The following NFIB variants were observed in gnomAD, a reference collection of about 807,000 sequenced individuals.
NFIB encodes the protein nuclear factor 1 B-type.
NFIB carries 11 observed loss-of-function variants against 61.5 expected under a neutral mutation model. That is an observed-to-expected ratio of 0.18 (90% CI 0.11 to 0.30). NFIB has a LOEUF of 0.30. Among genes scored for constraint, NFIB ranks in the 10% least tolerant of loss-of-function variants. NFIB has a pLI of 1.00. For missense variants in NFIB, 471 were observed against 608.9 expected (o/e 0.77, Z 2.38); for synonymous variants, 260 against 216.5 (o/e 1.20, Z -1.76).
chr9:14,112,899 C>G, intron 10 of NFIB, 100 bp downstream of exon 10: 16 of 1,099,204 alleles, frequency 1.5e-5, no homozygotes, highest in Non-Finnish European at 2.1e-5. Context: ...TCTCAGAAGC[C>G]CCGGGAGCCC....
intron 10 of NFIB, among the ~76,000 whole-genome samples, chr9:14,091,469 A>G (rs962195337): frequency 1.3e-5 from 2 of 152,068 alleles, no homozygotes; most frequent in Non-Finnish European, 2.9e-5. Context: ...ACAAAAACAA[A>G]TTAGTTACAT....
intron 2 of NFIB, among the ~76,000 whole-genome samples, chr9:14,305,099 T>TCATG (rs1588241081): frequency 6.6e-6 from 1 of 152,246 alleles, no homozygotes; most frequent in African/African-American, 2.4e-5. Flanking sequence ...TTTATAGTTA[T>TCATG]CATGACCAGT....
chr9:14,492,294 C>T, the NFIB span, among the ~76,000 whole-genome samples: 3 of 151,652 alleles, frequency 2.0e-5, no homozygotes, highest in Admixed American at 6.6e-5. Context: ...ACCGGGGAGG[C>T]GGAGCTTGCA....
chr9:14,436,643 G>T, the NFIB span, among the ~76,000 whole-genome samples: 2 of 152,120 alleles, frequency 1.3e-5, no homozygotes, highest in Admixed American at 6.5e-5. Context: ...AAAACCCATG[G>T]GACCAAAACA....
chr9:14,398,422 A>G (rs1474496465), intron 1 of NFIB: 2 of 810,480 alleles, frequency 2.5e-6, no homozygotes, highest in Non-Finnish European at 3.8e-6. Context: ...GACCTTCTCT[A>G]GAGCAGCCAT....
intron 3 of NFIB, among the ~76,000 whole-genome samples, chr9:14,174,638 G>A (rs760338542): frequency 3.3e-5 from 5 of 151,822 alleles, no homozygotes; most frequent in African/African-American, 4.8e-5. Flanking sequence ...ACGGTAGCAG[G>A]CGCCTGTAAT....
chr9:14,356,584 A>G (rs964177507), intron 1 of NFIB, among the ~76,000 whole-genome samples: 1 of 152,034 alleles, frequency 6.6e-6, no homozygotes, highest in Non-Finnish European at 1.5e-5. Context: ...CAGTGAGAGC[A>G]GGACTGATTT....
the NFIB span, among the ~76,000 whole-genome samples, chr9:14,451,880 T>A: frequency 9.8e-5 from 15 of 152,318 alleles, no homozygotes; most frequent in Admixed American, 2.0e-4. Context: ...ACCTTATTTT[T>A]TTTTTTGCAA....
intron 2 of NFIB, among the ~76,000 whole-genome samples, chr9:14,240,755 T>C (rs966854045): frequency 6.6e-6 from 1 of 152,118 alleles, no homozygotes; most frequent in African/African-American, 2.4e-5. Context: ...TAAGTCCAAG[T>C]CTCTTTAGCC....
intron 2 of NFIB, among the ~76,000 whole-genome samples, chr9:14,226,118 T>C (rs946687274): frequency 6.6e-6 from 1 of 152,134 alleles, no homozygotes; most frequent in African/African-American, 2.4e-5. Flanking sequence ...ATCTAAATGA[T>C]GACAATTTGG....
intron 1 of NFIB, chr9:14,322,448 C>T (rs987877472): frequency 2.6e-5 from 6 of 231,404 alleles, no homozygotes; most frequent in Non-Finnish European, 4.3e-5. Context: ...GCCCCTTCCC[C>T]GCCCTCGGAT....
Position 14,187,499 on chromosome 9 carries a change from C to T in NFIB, c.563-7719G>A, listed in dbSNP as rs571368711. Among the ~76,000 whole-genome samples, 28 of 152,246 alleles carry T rather than the reference C, an allele frequency of 1.8e-4. No homozygotes were observed. In the East Asian group the frequency reaches 4.8e-3, roughly 26 times the overall value. On this transcript the variant is annotated intron_variant, in intron 2 of 10. Transcript: ENST00000380953. ...AAACGCATAGTTTAAAAAGATGTTGCTACACTTAAGATCTTCATGATAAAG... is the reference window on the plus strand; with the variant it reads ...AAACGCATAGTTTAAAAAGATGTTGTTACACTTAAGATCTTCATGATAAAG...
chr9:14,125,708 A>G lies in NFIB; in HGVS notation c.984T>C (p.Ser328=). 6.2e-7 allele frequency: 1 copy of G among 1,614,178 alleles called. No individual in the cohort carries two copies. Among genetic ancestry groups the G allele is most frequent in the Non-Finnish European group, 8.5e-7 (1 of 1,180,020 alleles). The change falls in exon 7 of 11, where the codon TCT becomes TCC. Residue 328 remains serine (S), a synonymous_variant. Coordinates refer to ENST00000380953, the MANE Select transcript of NFIB (RefSeq NM_001190737.2). ...TCAGTCTTGGGGAAGAATCCTGTGG[A>G]GATGCAGAGCTGAACAATGGCTTTT... ...KPEKPLFSSA[S]PQDSSPRLST...
chr9:14,438,609 AT>A, the NFIB span, among the ~76,000 whole-genome samples: 2 of 151,724 alleles, frequency 1.3e-5, no homozygotes, highest in Admixed American at 6.6e-5. Flanking sequence ...TTTAATTTTA[AT>A]TTTTTTTGCC....
intron 10 of NFIB, among the ~76,000 whole-genome samples, chr9:14,106,302 C>A (rs978637896): frequency 6.6e-6 from 1 of 152,042 alleles, no homozygotes; most frequent in African/African-American, 2.4e-5. Context: ...TCATATAAAT[C>A]ATTTTAATCC....
chr9:14,434,236 G>A, the NFIB span, among the ~76,000 whole-genome samples: 2 of 152,152 alleles, frequency 1.3e-5, no homozygotes, highest in East Asian at 1.9e-4. Flanking sequence ...TGATAGGAGA[G>A]GATTCACTGG....
chr9:14,126,479 G>A (rs770846398), intron 6 of NFIB, among the ~76,000 whole-genome samples: 11 of 152,338 alleles, frequency 7.2e-5, no homozygotes, highest in Admixed American at 2.0e-4. Context: ...GACAGATATC[G>A]TCTCAGTCTC....
At chr9:14,199,241 C>T (rs924372277) in intron 2 of NFIB, among the ~76,000 whole-genome samples, 5 of 152,324 alleles carry the variant, frequency 3.3e-5, no homozygotes, top group South Asian at 4.1e-4. Flanking sequence ...GTTCTGGCAG[C>T]TCCCTGGAAG....
chr9:14,348,772 T>C (rs529831025), intron 1 of NFIB, among the ~76,000 whole-genome samples: 24 of 152,360 alleles, frequency 1.6e-4, no homozygotes, highest in Non-Finnish European at 3.2e-4. Flanking sequence ...GCGCCTCTGC[T>C]CGCTCTTTGA....
Sources: allele counts gnomAD v4.1 joint callset (sites outside exome capture counted in the v4.1 genomes callset), GRCh38; gene constraint gnomAD v4.1.1; transcripts MANE v1.5; gene names NCBI Gene and HGNC (gene_info 2026-07-23, HGNC 2026-07-21).